FNBP1L: variants seen among roughly 807,000 people sequenced by gnomAD.
The protein encoded by FNBP1L is formin binding protein 1 like, also known as formin-binding protein 1-like.
A neutral mutation model predicts 91.2 loss-of-function variants in FNBP1L; 36 were observed. The ratio of observed to expected loss-of-function variants is 0.39; its 90% confidence interval spans 0.30 to 0.52. FNBP1L has a LOEUF of 0.52. Ranked by LOEUF, FNBP1L falls within the 20% of genes least tolerant of loss-of-function variation. The pLI, the probability that FNBP1L is intolerant of heterozygous loss-of-function variation, is 0.66. For synonymous variants in FNBP1L, 242 were observed against 237.0 expected, an observed-to-expected ratio of 1.02 and a Z score of -0.19; for missense variants, 571 against 732.1, an observed-to-expected ratio of 0.78 and a Z score of 2.54.
intron 1 of FNBP1L, among the ~76,000 whole-genome samples, chr1:93,476,924 A>T (rs959217904): frequency 1.3e-5 from 2 of 152,160 alleles, no homozygotes; most frequent in African/African-American, 4.8e-5. Context: ...AAGATACATA[A>T]ATTGACATCT....
At chr1:93,523,208 A>G in intron 3 of FNBP1L, 136 bp from the exon 4 acceptor site, 2 of 768,034 alleles carry the variant, frequency 2.6e-6, no homozygotes, top group African/African-American at 1.8e-5. Context: ...TTCCATATGA[A>G]GTTAATTTAG....
chr1:93,510,098 G>A (rs1171335699), intron 2 of FNBP1L, among the ~76,000 whole-genome samples: 5 of 152,330 alleles, frequency 3.3e-5, no homozygotes, highest in African/African-American at 4.8e-5. Flanking sequence ...CTCAAACTGG[G>A]TGGAGCCCAC....
intron 12 of FNBP1L, 76 bp downstream of exon 12, chr1:93,544,292 CAGA>C (rs1213572561): frequency 1.1e-6 from 1 of 929,364 alleles, no homozygotes; most frequent in East Asian, 2.9e-5. Context: ...ATGTGATATA[CAGA>C]AGGTTTAAAA....
intron 2 of FNBP1L, among the ~76,000 whole-genome samples, chr1:93,508,395 GA>G (rs745594020): frequency 4.6e-5 from 7 of 152,094 alleles, no homozygotes; most frequent in Non-Finnish European, 1.0e-4. Flanking sequence ...TGTTTTCCTA[GA>G]AATTTGGATT....
chr1:93,508,197 A>C (rs1670700369), intron 2 of FNBP1L, among the ~76,000 whole-genome samples: 1 of 151,698 alleles, frequency 6.6e-6, no homozygotes, highest in Admixed American at 6.6e-5. Flanking sequence ...AAAAGACAAA[A>C]AAATTAGCCA....
intron 1 of FNBP1L, among the ~76,000 whole-genome samples, chr1:93,448,870 C>T (rs1254779339): frequency 6.6e-6 from 1 of 152,166 alleles, no homozygotes; most frequent in Non-Finnish European, 1.5e-5. Context: ...AGCCCGGCCT[C>T]GGGCCAGCCA....
rs970673839 is a variant in FNBP1L, at chr1:93,552,641, A to G, written c.*225A>G. On this transcript the variant is annotated 3_prime_UTR_variant, in exon 17 of 17. Transcript: ENST00000271234. ...TTCCTAGTTCACAGTTATTCCCACA[A>G]AAGAAAAAGCCAACAATAGTGTACC... 9.3e-6 allele frequency: 4 copies of G among 428,518 alleles called. No homozygotes were observed. The highest frequency in any genetic ancestry group is 1.6e-5 in the Non-Finnish European group (4 of 243,008). The allele number at this position is 428,518 out of a possible 1,614,324, so 26.5% of individuals were successfully genotyped here.
chr1:93,532,885 T>C lies in FNBP1L; in HGVS notation c.640-37T>C, dbSNP rs746077375. ...AACTCCTTTAGAATGATTGAAAAAT[T>C]CAGTTTTCTCTTTTTAAAAAAATTC... On this transcript the variant is annotated intron_variant, in intron 7 of 16. Transcript: ENST00000271234. 2.6e-6 allele frequency: 4 copies of C among 1,521,326 alleles called. No homozygotes were observed. The South Asian group carries it at 3.7e-5, about 14-fold the overall frequency. 94.2% of individuals were successfully genotyped at this position (1,521,326 alleles called of 1,614,324 possible). A position where few individuals can be genotyped will look rare whatever the true frequency, so the allele number is the denominator to read the frequency against.
chr1:93,448,138 C>CT lies in FNBP1L; in HGVS notation c.-143dup. The CT allele has an allele frequency of 9.5e-7, 1 of 1,055,658 alleles. No individual in the cohort carries two copies. 65.4% of individuals were successfully genotyped at this position (1,055,658 alleles called of 1,614,324 possible). On this transcript the variant is annotated 5_prime_UTR_variant, in exon 1 of 17. Coordinates refer to ENST00000271234, the MANE Select transcript of FNBP1L (RefSeq NM_001164473.3). ...TCTCCAGTCGCGTCTTTCTCACTCA[C>CT]TGGGGAGCCCGGCGGTGGCGGCACC... is the stretch of plus-strand genomic sequence containing the variant.
intron 1 of FNBP1L, among the ~76,000 whole-genome samples, chr1:93,484,130 T>G (rs977721614): frequency 6.6e-6 from 1 of 152,184 alleles, no homozygotes; most frequent in Non-Finnish European, 1.5e-5. Context: ...GGTTTCACTA[T>G]GTTGGGCAGG....
chr1:93,457,151 T>C (rs536765090), intron 1 of FNBP1L, among the ~76,000 whole-genome samples: 1 of 152,310 alleles, frequency 6.6e-6, no homozygotes, highest in Admixed American at 6.5e-5. Flanking sequence ...CCCAAAGCAC[T>C]GGGGATTACA....
intron 1 of FNBP1L, among the ~76,000 whole-genome samples, chr1:93,476,737 T>C (rs1409865353): frequency 6.6e-6 from 1 of 151,970 alleles, no homozygotes; most frequent in East Asian, 1.9e-4. Context: ...ATGTAGCATG[T>C]GCAAATACTC....
chr1:93,533,541 A>G (rs1373613883), intron 8 of FNBP1L, among the ~76,000 whole-genome samples: 2 of 152,268 alleles, frequency 1.3e-5, no homozygotes, highest in African/African-American at 4.8e-5. Flanking sequence ...AGGTAATCAC[A>G]TTGTATCTTG....
chr1:93,500,052 G>A (rs962902080), intron 2 of FNBP1L, among the ~76,000 whole-genome samples: 18 of 152,164 alleles, frequency 1.2e-4, no homozygotes, highest in African/African-American at 4.1e-4. Flanking sequence ...TTTAGAATAT[G>A]TTTTGGAAGA....
intron 10 of FNBP1L, 37 bp from the exon 11 acceptor site, chr1:93,541,005 T>G: frequency 6.5e-7 from 1 of 1,533,238 alleles, no homozygotes; most frequent in Non-Finnish European, 8.7e-7. Context: ...CTGTGAATAA[T>G]TTACCATTTC....
chr1:93,498,962 A>G (rs1477854498), intron 1 of FNBP1L, among the ~76,000 whole-genome samples: 1 of 152,196 alleles, frequency 6.6e-6, no homozygotes, highest in Non-Finnish European at 1.5e-5. Context: ...GATTTTGTCC[A>G]GTTAAATAAT....
chr1:93,532,816 A>G (rs1460621361), intron 7 of FNBP1L, 106 bp from the exon 8 acceptor site: 8 of 774,162 alleles, frequency 1.0e-5, no homozygotes, highest in Non-Finnish European at 1.6e-5. Context: ...CAGTGTAACT[A>G]TGAGGGTAGA....
intron 1 of FNBP1L, among the ~76,000 whole-genome samples, chr1:93,470,900 T>C (rs897817878): frequency 2.8e-5 from 4 of 141,996 alleles, no homozygotes; most frequent in Admixed American, 2.8e-4. Context: ...GTCCAGGAAA[T>C]GTGGGGTCTT....
chr1:93,543,611 T>A (rs776632522), intron 11 of FNBP1L, among the ~76,000 whole-genome samples: 19 of 152,180 alleles, frequency 1.2e-4, no homozygotes, highest in Non-Finnish European at 2.5e-4. Context: ...GTGAGGTAAG[T>A]TTCTTAATTA....
Sources: allele counts gnomAD v4.1 joint callset (sites outside exome capture counted in the v4.1 genomes callset), GRCh38; gene constraint gnomAD v4.1.1; transcripts MANE v1.5; gene names NCBI Gene and HGNC (gene_info 2026-07-23, HGNC 2026-07-21).